The following GLG1 variants were observed in gnomAD, a reference collection of about 807,000 sequenced individuals.
GLG1 encodes the protein Golgi apparatus protein 1.
GLG1 carries 38 observed loss-of-function variants against 160.5 expected under a neutral mutation model. That is an observed-to-expected ratio of 0.24 (90% CI 0.18 to 0.31). The LOEUF is 0.31. Among genes scored for constraint, GLG1 ranks in the 10% least tolerant of loss-of-function variants. The pLI, the probability that GLG1 is intolerant of heterozygous loss-of-function variation, is 1.00. For synonymous variants in GLG1, 644 were observed against 543.4 expected, an observed-to-expected ratio of 1.19 and a Z score of -2.57; for missense variants, 1,373 against 1,505.2, an observed-to-expected ratio of 0.91 and a Z score of 1.45.
chr16:74,463,130 C>T (rs1321443005), intron 20 of GLG1: 13 of 546,450 alleles, frequency 2.4e-5, no homozygotes, highest in Admixed American at 7.2e-5. Context: ...TCCTTCTGAA[C>T]GTTCTTTTAG....
intron 1 of GLG1, among the ~76,000 whole-genome samples, chr16:74,577,996 G>C (rs1173218837): frequency 6.6e-6 from 1 of 151,972 alleles, no homozygotes; most frequent in Non-Finnish European, 1.5e-5. Context: ...AGTAGAGAAA[G>C]ACCTTGTCTC....
intron 2 of GLG1, among the ~76,000 whole-genome samples, chr16:74,515,038 A>T (rs1319227235): frequency 6.6e-6 from 1 of 152,216 alleles, no homozygotes; most frequent in Non-Finnish European, 1.5e-5. Context: ...AAAGATCAAA[A>T]GAGACAAAGA....
chr16:74,596,453 C>T (rs1177420296), intron 1 of GLG1, among the ~76,000 whole-genome samples: 1 of 151,720 alleles, frequency 6.6e-6, no homozygotes, highest in Non-Finnish European at 1.5e-5. Context: ...TGCTTGAACT[C>T]GGGAGGCAGA....
chr16:74,557,614 G>A (rs1019735005), intron 1 of GLG1, among the ~76,000 whole-genome samples: 1 of 152,220 alleles, frequency 6.6e-6, no homozygotes, highest in African/African-American at 2.4e-5. Flanking sequence ...AGGAGCTCTT[G>A]AGACTGAGCA....
chr16:74,506,256 C>T lies in GLG1; in HGVS notation c.559-2510G>A, dbSNP rs1278099510. Among the ~76,000 whole-genome samples the T allele has an allele frequency of 2.0e-5, 3 of 151,544 alleles. No individual in the cohort carries two copies. In the East Asian group the frequency reaches 5.8e-4, roughly 29 times the overall value. Reference sequence around the variant, plus strand: ...TGAAACAGAGAAACATTTTTCCAGGCCCTAATATTGAGCAACCAAAAGTTT... The same window carrying T: ...TGAAACAGAGAAACATTTTTCCAGGTCCTAATATTGAGCAACCAAAAGTTT... On this transcript the variant is annotated intron_variant, in intron 3 of 25. Transcript: ENST00000422840.
At chr16:74,524,360 T>G (rs905360732) in intron 2 of GLG1, among the ~76,000 whole-genome samples, 1 of 152,226 alleles carries the variant, frequency 6.6e-6, no homozygotes, top group Admixed American at 6.5e-5. Context: ...AGAAAGCTGT[T>G]AATATTTCAC....
At chr16:74,533,298 G>T (rs2017597179) in intron 1 of GLG1, among the ~76,000 whole-genome samples, 1 of 152,202 alleles carries the variant, frequency 6.6e-6, no homozygotes, top group South Asian at 2.1e-4. Flanking sequence ...TCCGGCCTGG[G>T]CCACAGAGCG....
chr16:74,548,933 T>C (rs897462310), intron 1 of GLG1, among the ~76,000 whole-genome samples: 4 of 151,844 alleles, frequency 2.6e-5, no homozygotes, highest in African/African-American at 7.3e-5. Context: ...GAGGTGGAGG[T>C]TGCAGCGAGC....
intron 17 of GLG1, 116 bp downstream of exon 17, chr16:74,468,830 C>G: frequency 1.4e-6 from 1 of 694,146 alleles, no homozygotes; most frequent in East Asian, 2.5e-5. Context: ...CACAGGACTT[C>G]AAGTCTTAAC....
intron 2 of GLG1, among the ~76,000 whole-genome samples, chr16:74,528,737 C>A (rs1263153870): frequency 3.0e-5 from 4 of 135,242 alleles, no homozygotes; most frequent in Non-Finnish European, 6.2e-5. Flanking sequence ...ACTTCAACCC[C>A]AGAGGCGGAA....
At chr16:74,547,755 A>G (rs528750132) in intron 1 of GLG1, among the ~76,000 whole-genome samples, 98 of 152,402 alleles carry the variant, frequency 6.4e-4, no homozygotes, top group Admixed American at 1.2e-3. Flanking sequence ...TGATAGCATA[A>G]TCACCAACTC....
chr16:74,457,070 A>G (rs2014577197), intron 24 of GLG1, among the ~76,000 whole-genome samples: 1 of 152,196 alleles, frequency 6.6e-6, no homozygotes, highest in Non-Finnish European at 1.5e-5. Context: ...CTTTGAGACT[A>G]CATTATAGTA....
At chr16:74,558,904 T>TA (rs1331981518) in intron 1 of GLG1, among the ~76,000 whole-genome samples, 2 of 152,190 alleles carry the variant, frequency 1.3e-5, no homozygotes, top group Non-Finnish European at 2.9e-5. Context: ...TATATTTTCT[T>TA]AGAGACGGGG....
chr16:74,480,442 C>A (rs1359491960), intron 10 of GLG1, 48 bp from the exon 11 acceptor site: 13 of 1,413,782 alleles, frequency 9.2e-6, no homozygotes, highest in Admixed American at 2.0e-5. Context: ...TAGACATTTC[C>A]TTCTAACACA....
rs752038762 is a variant in GLG1, at chr16:74,477,396, C to G, written c.1965G>C (p.Gln655His). Residue 655 changes from glutamine to histidine, a missense_variant and splice_region_variant, in exon 12 of 26, where the codon CAG (glutamine) becomes CAC (histidine). Physicochemically the swap from Gln to His is conservative, Grantham distance 24. Coordinates refer to ENST00000422840, the MANE Select transcript of GLG1 (RefSeq NM_001145667.2). ...KWCSEKTETG[Q>H]ELECLQDHLD... The stretch of plus-strand genomic sequence containing the variant: ...ACAAACAGAAAGCGATGTCACCTAC[C>G]TGTCCAGTCTCTGTTTTCTCACTGC... 1 of 1,608,988 alleles carries G rather than the reference C, an allele frequency of 6.2e-7. No homozygotes were observed. The highest frequency in any genetic ancestry group is 1.1e-5 in the South Asian group (1 of 90,950).
In GLG1 at chr16:74,449,389, C is replaced by G. The variant is rs11149721; in HGVS notation, c.*3778G>C. 0.29 allele frequency: 44,235 copies of G among 152,054 alleles called. 6,634 individuals carry two copies. The highest frequency in any genetic ancestry group is 0.39 in the Middle Eastern group (114 of 294). 9.4% of individuals were successfully genotyped at this position (152,054 alleles called of 1,614,324 possible). On this transcript the variant is annotated 3_prime_UTR_variant, in exon 26 of 26. Coordinates refer to ENST00000422840, the MANE Select transcript of GLG1 (RefSeq NM_001145667.2). The stretch of plus-strand genomic sequence containing the variant: ...TCCAGAAGCCACACTGACATAAGAA[C>G]AGAATCTTCTCTTGGGAAGGCCAAG...
At chr16:74,537,184 GA>G (rs2017709513) in intron 1 of GLG1, among the ~76,000 whole-genome samples, 1 of 152,024 alleles carries the variant, frequency 6.6e-6, no homozygotes, top group Admixed American at 6.6e-5. Context: ...AAAATGAAGA[GA>G]ATTTAGCACA....
intron 21 of GLG1, 88 bp downstream of exon 21, chr16:74,462,400 G>T: frequency 7.9e-7 from 1 of 1,271,466 alleles, no homozygotes; most frequent in Non-Finnish European, 1.1e-6. Flanking sequence ...TTGGGAAAAC[G>T]GGAGCAAGCT....
chr16:74,572,614 C>T (rs1046210907), intron 1 of GLG1, among the ~76,000 whole-genome samples: 1 of 152,162 alleles, frequency 6.6e-6, no homozygotes, highest in Admixed American at 6.5e-5. Flanking sequence ...GAGTGGCCTG[C>T]CTGGAGAGGG....
Sources: gnomAD v4.1 joint callset for allele counts (sites outside exome capture counted in the v4.1 genomes callset) on GRCh38, gnomAD v4.1.1 for gene constraint, MANE v1.5 for transcripts, NCBI Gene and HGNC (gene_info 2026-07-23, HGNC 2026-07-21) for gene names.